TTC4: variants seen among roughly 807,000 people sequenced by gnomAD.
TTC4 encodes hsp70/Hsp90 co-chaperone CNS1 homolog.
In TTC4, 36 loss-of-function variants were observed where a neutral mutation model predicts 51.9. The observed-to-expected ratio is 0.69, with a 90% CI of 0.53 to 0.92. The LOEUF (loss-of-function observed/expected upper bound fraction) is 0.92, where lower values mean the gene tolerates loss of function less well. Ranked by LOEUF, TTC4 falls within the 40% of genes least tolerant of loss-of-function variation. TTC4 has a pLI of 0.00. For synonymous variants in TTC4, 144 were observed against 164.2 expected (o/e 0.88, Z 0.94); for missense variants, 399 against 454.6 (o/e 0.88, Z 1.11).
intron 5 of TTC4, among the ~76,000 whole-genome samples, chr1:54,723,357 A>T (rs546329303): frequency 4.6e-4 from 70 of 152,228 alleles, no homozygotes; most frequent in Non-Finnish European, 8.7e-4. Context: ...CGTCTTGTCC[A>T]GGGCAAAATT....
intron 1 of TTC4, 24 bp from the exon 2 acceptor site, chr1:54,716,576 T>C (rs370306047): frequency 6.4e-7 from 1 of 1,563,124 alleles, no homozygotes; most frequent in Non-Finnish European, 8.8e-7. Flanking sequence ...CTTATTCATG[T>C]AGTTCATTCT....
At chr1:54,716,166 C>T (rs1255724397) in intron 1 of TTC4, 147 bp downstream of exon 1, 3 of 694,260 alleles carry the variant, frequency 4.3e-6, no homozygotes, top group East Asian at 5.6e-5. Context: ...AAATCGGCCT[C>T]GAGGTTTTGA....
At chr1:54,720,437 CTTT>C (rs67813981) in intron 3 of TTC4, among the ~76,000 whole-genome samples, 5 of 128,746 alleles carry the variant, frequency 3.9e-5, no homozygotes, top group Admixed American at 7.8e-5. Flanking sequence ...TGACTGCATA[CTTT>C]TTTTTTTTTT....
At chr1:54,736,530 C>T (rs1186735819) in intron 8 of TTC4, among the ~76,000 whole-genome samples, 1 of 151,950 alleles carries the variant, frequency 6.6e-6, no homozygotes, top group Non-Finnish European at 1.5e-5. Context: ...GCCACCGTGC[C>T]CAACTAATTT....
At chr1:54,729,981 A>G (rs141623648) in intron 6 of TTC4, among the ~76,000 whole-genome samples, 179 of 152,280 alleles carry the variant, frequency 1.2e-3, no homozygotes, top group African/African-American at 3.7e-3. Context: ...TTGGCCTCCT[A>G]TAGTGCTGGG....
intron 5 of TTC4, among the ~76,000 whole-genome samples, chr1:54,724,132 CCT>C (rs1553180303): frequency 2.0e-5 from 3 of 152,212 alleles, no homozygotes; most frequent in African/African-American, 7.2e-5. Context: ...GAAGTATTCC[CCT>C]GTGTCTGAGT....
intron 9 of TTC4, 94 bp from the exon 10 acceptor site, chr1:54,741,317 T>C: frequency 9.4e-7 from 1 of 1,068,354 alleles, no homozygotes; most frequent in Non-Finnish European, 1.5e-6. Flanking sequence ...TTGACTCCCA[T>C]CCAGAGGCTC....
intron 5 of TTC4, among the ~76,000 whole-genome samples, chr1:54,723,291 TACA>T (rs1208628894): frequency 6.6e-6 from 1 of 152,222 alleles, no homozygotes; most frequent in Non-Finnish European, 1.5e-5. Flanking sequence ...ATGATGCTTG[TACA>T]ACAATGATTG....
intron 3 of TTC4, among the ~76,000 whole-genome samples, chr1:54,720,700 A>G (rs1324921566): frequency 6.6e-6 from 1 of 152,152 alleles, no homozygotes; most frequent in East Asian, 1.9e-4. Context: ...GCTTTTCACA[A>G]TTAAAGTAAT....
chr1:54,731,690 G>A lies in TTC4; in HGVS notation c.886G>A (p.Glu296Lys), dbSNP rs772687945. 2 of 1,613,954 alleles carry A rather than the reference G, an allele frequency of 1.2e-6. No homozygotes were observed. Among genetic ancestry groups the A allele is most frequent in the Non-Finnish European group, 1.7e-6 (2 of 1,179,990 alleles). Reference sequence around the variant, plus strand: ...GTCGGACTTCATCTCTGCTTTTCATGAGGACTCCAGGTACTGACTTGCCCA... The same window carrying A: ...GTCGGACTTCATCTCTGCTTTTCATAAGGACTCCAGGTACTGACTTGCCCA... ...AQSDFISAFH[E>K]DSRFIDHLMV... Residue 296 changes from glutamate to lysine, a missense_variant, in exon 7 of 10, where the codon GAG becomes AAG. By Grantham distance (56) the Glu-to-Lys change is moderately conservative. Coordinates refer to ENST00000371281, the MANE Select transcript of TTC4 (RefSeq NM_004623.5).
chr1:54,718,002 T>G (rs1645696506), intron 3 of TTC4, among the ~76,000 whole-genome samples: 1 of 152,152 alleles, frequency 6.6e-6, no homozygotes, highest in African/African-American at 2.4e-5. Flanking sequence ...CTAGCAGGAG[T>G]AAGGCAGTAG....
At chr1:54,732,607 C>T (rs1260784292) in intron 7 of TTC4, among the ~76,000 whole-genome samples, 1 of 151,768 alleles carries the variant, frequency 6.6e-6, no homozygotes, top group Non-Finnish European at 1.5e-5. Flanking sequence ...TACAGGTGAA[C>T]ATCACCACAT....
chr1:54,718,198 T>G (rs1418512084), intron 3 of TTC4, among the ~76,000 whole-genome samples: 1 of 151,892 alleles, frequency 6.6e-6, no homozygotes, highest in Non-Finnish European at 1.5e-5. Flanking sequence ...CTGGGCAATA[T>G]AGTGAGACCC....
intron 8 of TTC4, among the ~76,000 whole-genome samples, chr1:54,736,494 C>T (rs1645946534): frequency 6.6e-6 from 1 of 152,012 alleles, no homozygotes; most frequent in Admixed American, 6.5e-5. Context: ...CCTCAGTCTC[C>T]CAAGTAGCTG....
intron 7 of TTC4, among the ~76,000 whole-genome samples, chr1:54,732,554 G>A (rs1645880295): frequency 6.6e-6 from 1 of 151,134 alleles, no homozygotes; most frequent in Non-Finnish European, 1.5e-5. Flanking sequence ...CAGCCCCCAG[G>A]CTCAGGTGAT....
intron 3 of TTC4, among the ~76,000 whole-genome samples, chr1:54,718,250 G>T (rs1303679059): frequency 6.6e-6 from 1 of 152,090 alleles, no homozygotes; most frequent in African/African-American, 2.4e-5. Context: ...GTGCCTGCCT[G>T]TAGTCCTAGC....
At chr1:54,721,493 C>T (rs11206421) in intron 4 of TTC4, among the ~76,000 whole-genome samples, 8,329 of 152,136 alleles carry the variant, frequency 0.055, 254 homozygotes, top group African/African-American at 0.08. Context: ...AGTTGCAAAG[C>T]CATATTCTGA....
At chr1:54,738,252 A>C (rs1232197547) in intron 9 of TTC4, among the ~76,000 whole-genome samples, 1 of 152,092 alleles carries the variant, frequency 6.6e-6, no homozygotes, top group Non-Finnish European at 1.5e-5. Context: ...AGTCGCTATC[A>C]CGAGAACAGC....
At chr1:54,720,497 T>G (rs1279125029) in intron 3 of TTC4, among the ~76,000 whole-genome samples, 1 of 147,544 alleles carries the variant, frequency 6.8e-6, no homozygotes, top group Non-Finnish European at 1.5e-5. Context: ...TATTTAGTTT[T>G]TTTTTTTTTT....
Sources: gnomAD v4.1 joint callset for allele counts (sites outside exome capture counted in the v4.1 genomes callset) on GRCh38, gnomAD v4.1.1 for gene constraint, MANE v1.5 for transcripts, NCBI Gene and HGNC (gene_info 2026-07-23, HGNC 2026-07-21) for gene names.